The following FGD2 variants were observed in gnomAD, a reference collection of about 807,000 sequenced individuals.
FGD2 encodes FYVE, RhoGEF and PH domain-containing protein 2.
A neutral mutation model predicts 75.9 loss-of-function variants in FGD2; 52 were observed. The ratio of observed to expected loss-of-function variants is 0.69; its 90% CI spans 0.55 to 0.86. FGD2 has a LOEUF of 0.86. Ranked by LOEUF, FGD2 falls within the 40% of genes least tolerant of loss-of-function variation. The probability of loss-of-function intolerance (pLI) is 0.00; values close to 1 mark genes in which losing one functional copy is unlikely to be tolerated. For synonymous variants in FGD2, 347 were observed against 348.6 expected (o/e 1.00, Z 0.05); for missense variants, 790 against 872.0 (o/e 0.91, Z 1.18).
chr6:37,027,494 G>A lies in FGD2; in HGVS notation c.1671G>A (p.Lys557=), dbSNP rs988321659. ...MCSFLQLIGD[K]WGKSGPRGWC... ...GCTTCCTGCAGCTCATCGGGGACAA[G>A]TGGGGCAAGAGCGGCCCCCGGGGCT... Residue 557 remains lysine, a synonymous_variant, in exon 15 of 16, where the codon AAG becomes AAA. Coordinates refer to ENST00000274963, the MANE Select transcript of FGD2 (RefSeq NM_173558.4). 6.2e-7 allele frequency: 1 copy of A among 1,614,064 alleles called. No individual in the cohort carries two copies. The highest frequency in any genetic ancestry group is 1.1e-5 in the South Asian group (1 of 91,078).
At chr6:37,006,872 GGGAGCTCT>G (rs760232053) in intron 1 of FGD2, among the ~76,000 whole-genome samples, 3 of 152,144 alleles carry the variant, frequency 2.0e-5, no homozygotes, top group Non-Finnish European at 2.9e-5. Flanking sequence ...GCCTGTCCCA[GGGAGCTCT>G]GGAGCTGGGA....
At chr6:37,027,006 GAA>G (rs111481581) in intron 14 of FGD2, among the ~76,000 whole-genome samples, 1 of 140,052 alleles carries the variant, frequency 7.1e-6, no homozygotes, top group Non-Finnish European at 1.6e-5. Context: ...GAAACTATCT[GAA>G]AAAAAAAAAA....
intron 13 of FGD2, 44 bp downstream of exon 13, chr6:37,022,414 A>T: frequency 6.6e-7 from 1 of 1,525,384 alleles, no homozygotes; most frequent in Non-Finnish European, 8.8e-7. Context: ...TGCGTCACCC[A>T]GGCCTCCACC....
chr6:37,010,842 G>A, intron 2 of FGD2, 131 bp from the exon 3 acceptor site: 1 of 827,808 alleles, frequency 1.2e-6, no homozygotes, highest in South Asian at 1.5e-5. Context: ...CAGATGCACT[G>A]CGGGAGGCCA....
chr6:37,009,273 C>T lies in FGD2; in HGVS notation c.300+208C>T, dbSNP rs141658603. 295 of 528,906 alleles carry T rather than the reference C, an allele frequency of 5.6e-4. 3 individuals carry two copies. In the East Asian group the frequency reaches 7.6e-3, roughly 14 times the overall value. 32.8% of individuals were successfully genotyped at this position (528,906 alleles called of 1,614,324 possible). A position where few individuals can be genotyped will look rare whatever the true frequency, so the allele number is the denominator to read the frequency against. ...CTACGCACCGTGCTGGATTACTTCGCGAGTCCCTCGTGTAGGAGTTTTTTG... is the reference window on the plus strand; with the variant it reads ...CTACGCACCGTGCTGGATTACTTCGTGAGTCCCTCGTGTAGGAGTTTTTTG... On this transcript the variant is annotated intron_variant, in intron 2 of 15. Coordinates refer to ENST00000274963, the MANE Select transcript of FGD2 (RefSeq NM_173558.4).
chr6:37,006,917 A>G (rs578079280), intron 1 of FGD2, among the ~76,000 whole-genome samples: 7 of 152,252 alleles, frequency 4.6e-5, no homozygotes, highest in Admixed American at 6.5e-5. Context: ...CAGCTGAGGA[A>G]GAGGGCTGGG....
chr6:37,009,962 C>T (rs150371393), intron 2 of FGD2: 2,362 of 147,168 alleles, frequency 0.016, 41 homozygotes, highest in Middle Eastern at 0.031. Flanking sequence ...TGCAGTGAGC[C>T]GAGATTGCGC....
At chr6:37,011,955 C>G in intron 4 of FGD2, 101 bp downstream of exon 4, 1 of 1,360,262 alleles carries the variant, frequency 7.4e-7, no homozygotes, top group Non-Finnish European at 9.9e-7. Context: ...AGGCCCAGGC[C>G]CTTATTGTGT....
rs945584410 is a variant in FGD2, at chr6:37,021,155, C to CGT, written c.1234-345_1234-344dup. ...GTGTGTCTGTGTTTGTGTGTGCGTGCGTGTGTGTGTGTGCATGCTCCCACA... is the reference window on the plus strand; with the variant it reads ...GTGTGTCTGTGTTTGTGTGTGCGTGCGTGTGTGTGTGTGTGCATGCTCCCACA... On this transcript the variant is annotated intron_variant, in intron 11 of 15. Transcript: ENST00000274963. 8.4e-4 allele frequency among the ~76,000 whole-genome samples: 124 copies of CGT among 147,146 alleles called. 1 individual carries two copies. The highest frequency in any genetic ancestry group is 2.8e-3 in the African/African-American group (110 of 39,634).
rs1765790935 is a variant in FGD2 at position 37,025,784 on chromosome 6, C to T, written c.1459-8C>T. The T allele has an allele frequency of 6.2e-7, 1 of 1,614,148 alleles. No homozygotes were observed. The highest frequency in any genetic ancestry group is 8.5e-7 in the Non-Finnish European group (1 of 1,180,014). Reference sequence around the variant, plus strand: ...TCAGCCCCATGCCCCCTTATGTGTCCTCCTCAGGTGGTGTGTGCCAGGTGC... The same window carrying T: ...TCAGCCCCATGCCCCCTTATGTGTCTTCCTCAGGTGGTGTGTGCCAGGTGC... On this transcript the variant is annotated splice_region_variant and splice_polypyrimidine_tract_variant and intron_variant, in intron 13 of 15. Coordinates refer to ENST00000274963, the MANE Select transcript of FGD2 (RefSeq NM_173558.4).
At chr6:37,022,466 T>G in intron 13 of FGD2, 96 bp downstream of exon 13, 1 of 1,446,544 alleles carries the variant, frequency 6.9e-7, no homozygotes, top group Non-Finnish European at 9.1e-7. Context: ...AGGCCTCCGC[T>G]TGATCCACCT....
In FGD2 at chr6:37,027,428, G is replaced by A. The variant is rs1028178484; in HGVS notation, c.1606-1G>A. On this transcript the variant is annotated splice_acceptor_variant, in intron 14 of 15. Transcript: ENST00000274963. LOFTEE classifies it high-confidence loss of function. ...CTGACAGTCCCTCCTTCTGGTTTTA[G>A]AAAGGGTCCTCAGCCACGCCTGACC... 3.1e-6 allele frequency: 5 copies of A among 1,601,436 alleles called. No homozygotes were observed. In the African/African-American group the frequency reaches 6.7e-5, roughly 21 times the overall value.
intron 1 of FGD2, among the ~76,000 whole-genome samples, 184 bp from the exon 2 acceptor site, chr6:37,008,650 C>T (rs968906426): frequency 6.6e-6 from 1 of 152,196 alleles, no homozygotes; most frequent in Non-Finnish European, 1.5e-5. Flanking sequence ...ACACTGAGTT[C>T]CCTCCAAGAA....
intron 15 of FGD2, 50 bp downstream of exon 15, chr6:37,027,625 C>T (rs368927875): frequency 5.6e-6 from 9 of 1,605,534 alleles, no homozygotes; most frequent in African/African-American, 4.0e-5. Context: ...CTTCCCACAG[C>T]GTGTGTGTGA....
chr6:37,018,303 G>C (rs531683824), intron 9 of FGD2, among the ~76,000 whole-genome samples: 1 of 152,278 alleles, frequency 6.6e-6, no homozygotes, highest in Admixed American at 6.5e-5. Context: ...GAGTCTGCTA[G>C]TCTCGGCTAA....
intron 9 of FGD2, among the ~76,000 whole-genome samples, chr6:37,017,154 A>C (rs1282276701): frequency 6.6e-5 from 10 of 151,568 alleles, no homozygotes; most frequent in Admixed American, 6.6e-4. Flanking sequence ...GTGTCCCTGT[A>C]CTTGAGAGCT....
chr6:37,017,723 G>A (rs952570389), intron 9 of FGD2, among the ~76,000 whole-genome samples: 4 of 152,172 alleles, frequency 2.6e-5, no homozygotes, highest in African/African-American at 9.7e-5. Flanking sequence ...GCCCCAGAAG[G>A]GAGCTGCAGG....
rs139149403 is a variant in FGD2 at position 37,015,810 on chromosome 6, G to C, written c.1072G>C (p.Val358Leu). The C allele has an allele frequency of 9.2e-5, 147 of 1,597,102 alleles. No homozygotes were observed. The highest frequency in any genetic ancestry group is 1.2e-4 in the Non-Finnish European group (138 of 1,172,756). ...CTACTGTGTGCCCAGGGTGATCCAG[G>C]TGGGCGCCCAGTTCCAGGTGAGGAC... ...LLYCVPRVIQ[V>L]GAQFQVRTRI... The change falls in exon 9 of 16, where the codon GTG becomes CTG. Residue 358 changes from valine (V) to leucine (L), a missense_variant. Val to Leu is a conservative substitution (Grantham distance 32, BLOSUM62 1). Coordinates refer to ENST00000274963, the MANE Select transcript of FGD2 (RefSeq NM_173558.4).
chr6:37,022,474 C>T (rs1429303321), intron 13 of FGD2, 104 bp downstream of exon 13: 4 of 1,427,718 alleles, frequency 2.8e-6, no homozygotes, highest in Non-Finnish European at 2.7e-6. Context: ...GCTTGATCCA[C>T]CTAGGCCTCC....
Sources: allele counts gnomAD v4.1 joint callset (sites outside exome capture counted in the v4.1 genomes callset), GRCh38; gene constraint gnomAD v4.1.1; transcripts MANE v1.5; gene names NCBI Gene and HGNC (gene_info 2026-07-23, HGNC 2026-07-21).